The following ARIH2 variants were observed in gnomAD, a reference collection of about 807,000 sequenced individuals.
ARIH2 encodes the protein ariadne RBR E3 ubiquitin protein ligase 2.
Under a neutral mutation model 79.8 loss-of-function variants are expected in ARIH2, and 12 were observed. That is an observed-to-expected ratio of 0.15 (90% CI 0.10 to 0.24). The LOEUF (loss-of-function observed/expected upper bound fraction) is 0.24. Among genes scored for constraint, ARIH2 ranks in the 10% least tolerant of loss-of-function variants. The pLI, the probability that ARIH2 is intolerant of heterozygous loss-of-function variation, is 1.00. For missense variants in ARIH2, 301 were observed against 618.3 expected (o/e 0.49, Z 5.44); for synonymous variants, 224 against 213.9 (o/e 1.05, Z -0.41).
intron 7 of ARIH2, among the ~76,000 whole-genome samples, chr3:48,969,411 G>T (rs1001656755): frequency 6.6e-6 from 1 of 151,920 alleles, no homozygotes; most frequent in African/African-American, 2.4e-5. Context: ...GTCACTTTTG[G>T]AGTCCTTTCC....
intron 2 of ARIH2, among the ~76,000 whole-genome samples, chr3:48,924,384 CAG>C (rs1341294580): frequency 6.6e-6 from 1 of 151,798 alleles, no homozygotes; most frequent in Non-Finnish European, 1.5e-5. Context: ...TTTTTGGAGA[CAG>C]AATCTCTCTG....
chr3:48,943,669 C>T (rs967236603), intron 3 of ARIH2: 1 of 151,940 alleles, frequency 6.6e-6, no homozygotes, highest in African/African-American at 2.4e-5. Context: ...TTATATGTTT[C>T]TAGCAAAAAG....
chr3:48,929,174 G>A (rs1000124074), intron 3 of ARIH2, among the ~76,000 whole-genome samples: 1 of 152,164 alleles, frequency 6.6e-6, no homozygotes, highest in Admixed American at 6.5e-5. Context: ...ATTATGTAGT[G>A]TGTAACCATG....
In ARIH2 at chr3:48,983,527, G is replaced by C; in HGVS notation, c.*257G>C. On this transcript the variant is annotated 3_prime_UTR_variant, in exon 16 of 16. Transcript: ENST00000356401. ...CCCCCTGGATGGTTGTTGGGAGGGA[G>C]GGAAAGTGTTTTCTGAATGGCTATT... 1 of 520,642 alleles carries C rather than the reference G, an allele frequency of 1.9e-6. No homozygotes were observed. Among genetic ancestry groups the C allele is most frequent in the Non-Finnish European group, 3.4e-6 (1 of 292,432 alleles). The allele number at this position is 520,642 out of a possible 1,614,324, so 32.3% of individuals were successfully genotyped here. A position where few individuals can be genotyped will look rare whatever the true frequency, so the allele number is the denominator to read the frequency against.
Position 48,985,344 on chromosome 3 carries a change from TA to T in ARIH2, c.*2076del, listed in dbSNP as rs376756044. Reference sequence around the variant, plus strand: ...TGTGCCCTCAGTGGCTGTCGTTTGTTAACATCATCAGGAAGATGGGAAAGGT... The same window carrying T: ...TGTGCCCTCAGTGGCTGTCGTTTGTTACATCATCAGGAAGATGGGAAAGGT... On this transcript the variant is annotated 3_prime_UTR_variant, in exon 16 of 16. Coordinates refer to ENST00000356401, the MANE Select transcript of ARIH2 (RefSeq NM_006321.4). The T allele has an allele frequency of 9.8e-5, 15 of 152,292 alleles. No individual in the cohort carries two copies. Among genetic ancestry groups the T allele is most frequent in the Non-Finnish European group, 1.5e-4 (10 of 68,024 alleles). The allele number at this position is 152,292 out of a possible 1,614,324, so 9.4% of individuals were successfully genotyped here. A position where few individuals can be genotyped will look rare whatever the true frequency, so the allele number is the denominator to read the frequency against.
intron 3 of ARIH2, among the ~76,000 whole-genome samples, chr3:48,941,835 G>A (rs1363044419): frequency 2.7e-5 from 4 of 150,696 alleles, no homozygotes; most frequent in South Asian, 2.1e-4. Flanking sequence ...ACCCTGCCTC[G>A]GCCTCCCAAA....
chr3:48,919,191 T>C, intron 1 of ARIH2, 193 bp downstream of exon 1: 9 of 1,293,094 alleles, frequency 7.0e-6, no homozygotes, highest in Non-Finnish European at 8.8e-6. Context: ...GTGTCTGCCT[T>C]TTTTCCTCCC....
intron 3 of ARIH2, among the ~76,000 whole-genome samples, chr3:48,953,563 G>A (rs766793437): frequency 2.0e-5 from 3 of 151,716 alleles, no homozygotes; most frequent in Non-Finnish European, 2.9e-5. Context: ...CACAACGCCC[G>A]GCTAATTATT....
intron 3 of ARIH2, among the ~76,000 whole-genome samples, chr3:48,936,523 C>A (rs1435405949): frequency 6.6e-6 from 1 of 151,886 alleles, no homozygotes. Flanking sequence ...CACCTGAGGT[C>A]AGGAGTTCAA....
intron 3 of ARIH2, among the ~76,000 whole-genome samples, chr3:48,940,931 A>G (rs1019359422): frequency 2.1e-4 from 32 of 151,146 alleles, no homozygotes; most frequent in African/African-American, 7.3e-4. Context: ...GCACTTTGGG[A>G]GGCGGAGGCA....
chr3:48,922,861 C>T (rs896557147), intron 2 of ARIH2, 50 bp downstream of exon 2: 2 of 152,080 alleles, frequency 1.3e-5, no homozygotes, highest in Non-Finnish European at 2.9e-5. Flanking sequence ...AAAACACCAT[C>T]GTTAAGTTTA....
chr3:48,963,009 C>T (rs889491845), intron 4 of ARIH2, among the ~76,000 whole-genome samples: 1 of 152,172 alleles, frequency 6.6e-6, no homozygotes, highest in Admixed American at 6.5e-5. Context: ...GCTGGGATTA[C>T]CAGCACTTGC....
chr3:48,936,884 C>T (rs1396889021), intron 3 of ARIH2, among the ~76,000 whole-genome samples: 2 of 151,246 alleles, frequency 1.3e-5, no homozygotes, highest in East Asian at 1.9e-4. Context: ...AAAAATTAGC[C>T]GGGCATGGTG....
chr3:48,930,146 C>G (rs907909793), intron 3 of ARIH2, among the ~76,000 whole-genome samples: 1 of 152,102 alleles, frequency 6.6e-6, no homozygotes. Context: ...GTTGGGTTGA[C>G]TGTACCTAAA....
intron 3 of ARIH2, among the ~76,000 whole-genome samples, chr3:48,949,279 G>A (rs1387438408): frequency 1.3e-5 from 2 of 152,118 alleles, no homozygotes; most frequent in Admixed American, 1.3e-4. Flanking sequence ...CGTGACGCCC[G>A]GCTAGTTTTT....
Position 48,983,192 on chromosome 3 carries a change from G to A in ARIH2, c.1411-7G>A. 1 of 1,614,228 alleles carries A rather than the reference G, an allele frequency of 6.2e-7. No individual in the cohort carries two copies. Among genetic ancestry groups the A allele is most frequent in the Non-Finnish European group, 8.5e-7 (1 of 1,180,042 alleles). ...ATGCAAGCACACACCTTGTTTCTCT[G>A]ATGCAGGACTTGGAGAACCAGATGC... On this transcript the variant is annotated splice_polypyrimidine_tract_variant and splice_region_variant and intron_variant, in intron 15 of 15. Coordinates refer to ENST00000356401, the MANE Select transcript of ARIH2 (RefSeq NM_006321.4).
Position 48,921,184 on chromosome 3 carries a change from TGA to T in ARIH2, c.-161-1563_-161-1562del, listed in dbSNP as rs2084759206. On this transcript the variant is annotated intron_variant, in intron 1 of 15. Transcript: ENST00000356401. ...GTTGATTAGGCTGGTCTCGAACTCT[TGA>T]CCTTGTGATCTGCCACCTTAGCCTC... is the stretch of plus-strand genomic sequence containing the variant. Among the ~76,000 whole-genome samples, 2 of 78,788 alleles carry T rather than the reference TGA, an allele frequency of 2.5e-5. 1 individual carries two copies. The highest frequency in any genetic ancestry group is 5.2e-5 in the Non-Finnish European group (2 of 38,338). 51.7% of individuals were successfully genotyped at this position (78,788 alleles called of 152,430 possible). A position where few individuals can be genotyped will look rare whatever the true frequency, so the allele number is the denominator to read the frequency against.
In ARIH2 at chr3:48,985,897, A is replaced by G. The variant is rs1236544301; in HGVS notation, c.*2627A>G. 2.6e-5 allele frequency: 4 copies of G among 152,314 alleles called. No homozygotes were observed. Among genetic ancestry groups the G allele is most frequent in the Middle Eastern group, 3.4e-3 (1 of 294 alleles). The allele number at this position is 152,314 out of a possible 1,614,324, so 9.4% of individuals were successfully genotyped here. Reference sequence around the variant, plus strand: ...ACCTCCGGACCCCTCCAAAGCAGACATGGGAATGTAGGGCTGTGGAATATG... The same window carrying G: ...ACCTCCGGACCCCTCCAAAGCAGACGTGGGAATGTAGGGCTGTGGAATATG... On this transcript the variant is annotated 3_prime_UTR_variant, in exon 16 of 16. Transcript: ENST00000356401.
chr3:48,954,146 G>A (rs1559789311), intron 3 of ARIH2, among the ~76,000 whole-genome samples: 1 of 151,654 alleles, frequency 6.6e-6, no homozygotes, highest in Non-Finnish European at 1.5e-5. Flanking sequence ...GGGGACAGGA[G>A]CGAGACTTTG....
Sources: gnomAD v4.1 joint callset for allele counts (sites outside exome capture counted in the v4.1 genomes callset) on GRCh38, gnomAD v4.1.1 for gene constraint, MANE v1.5 for transcripts, NCBI Gene and HGNC (gene_info 2026-07-23, HGNC 2026-07-21) for gene names.